The following SCN9A variants were observed in gnomAD, a reference collection of about 807,000 sequenced individuals.
SCN9A encodes the protein sodium channel protein type 9 subunit alpha.
Under a neutral mutation model 187.0 loss-of-function variants are expected in SCN9A, and 131 were observed. That is an observed-to-expected ratio of 0.70 (90% CI 0.61 to 0.81). The LOEUF (loss-of-function observed/expected upper bound fraction) is 0.81. Among genes scored for constraint, SCN9A ranks in the 30% least tolerant of loss-of-function variants. The probability of loss-of-function intolerance (pLI) is 0.00; values close to 1 mark genes in which losing one functional copy is unlikely to be tolerated. For synonymous variants in SCN9A, 809 were observed against 808.6 expected, an observed-to-expected ratio of 1.00 and a Z score of -0.01; for missense variants, 2,252 against 2,396.6, an observed-to-expected ratio of 0.94 and a Z score of 1.26.
Position 166,277,196 on chromosome 2 carries a change from G to C in SCN9A, c.2661C>G (p.Leu887=). The C allele has an allele frequency of 1.2e-6, 2 of 1,614,086 alleles. No individual in the cohort carries two copies. The highest frequency in any genetic ancestry group is 2.2e-5 in the East Asian group (1 of 44,878). The change falls in exon 16 of 27, where the codon CTC becomes CTG. Residue 887 remains leucine, a synonymous_variant. Coordinates refer to ENST00000642356, the MANE Select transcript of SCN9A (RefSeq NM_001365536.1). The part of the protein sequence containing the change: ...VFIFAVVGMQ[L]FGKSYKECVC... ...CACATTCTTTGTAGCTCTTACCAAAGAGCTGCATGCCGACCACAGCAAAAA... is the reference window on the plus strand; with the variant it reads ...CACATTCTTTGTAGCTCTTACCAAACAGCTGCATGCCGACCACAGCAAAAA...
At chr2:166,252,778 C>A (rs932519989) in intron 17 of SCN9A, among the ~76,000 whole-genome samples, 4 of 151,922 alleles carry the variant, frequency 2.6e-5, no homozygotes, top group Admixed American at 2.6e-4. Context: ...CATACACACA[C>A]ACACACGAAG....
chr2:166,317,930 A>G (rs1429082605), intron 1 of SCN9A, among the ~76,000 whole-genome samples: 1 of 152,182 alleles, frequency 6.6e-6, no homozygotes. Context: ...AGTCTAGAAC[A>G]CTCATCTGAG....
At chr2:166,343,645 T>C (rs1285049175) in intron 1 of SCN9A, among the ~76,000 whole-genome samples, 1 of 152,092 alleles carries the variant, frequency 6.6e-6, no homozygotes, top group African/African-American at 2.4e-5. Context: ...ATGCCTATAA[T>C]CCCAGCACTT....
intron 12 of SCN9A, among the ~76,000 whole-genome samples, 151 bp from the exon 13 acceptor site, chr2:166,281,959 A>T (rs568802311): frequency 5.3e-5 from 8 of 152,216 alleles, no homozygotes; most frequent in African/African-American, 1.9e-4. Context: ...TACTGGCTGT[A>T]TATCATAGGA....
chr2:166,361,049 C>G (rs765948436), intron 1 of SCN9A, among the ~76,000 whole-genome samples: 1 of 152,050 alleles, frequency 6.6e-6, no homozygotes, highest in Non-Finnish European at 1.5e-5. Context: ...TAGCTTATGT[C>G]CTTGGGGAAT....
chr2:166,209,202 T>C lies in SCN9A; in HGVS notation c.4399-4738A>G, dbSNP rs373072193. ...TGGCTGTTTTGTGTCCTTTGTGACA[T>C]TGTGTCGGATGGCTGACAGGTGGCT... On this transcript the variant is annotated intron_variant, in intron 24 of 26. Coordinates refer to ENST00000642356, the MANE Select transcript of SCN9A (RefSeq NM_001365536.1). Among the ~76,000 whole-genome samples, 88 of 152,322 alleles carry C rather than the reference T, an allele frequency of 5.8e-4. 1 individual carries two copies. The highest frequency in any genetic ancestry group is 2.1e-3 in the African/African-American group (87 of 41,564).
intron 1 of SCN9A, among the ~76,000 whole-genome samples, chr2:166,323,100 T>G (rs1438182575): frequency 1.3e-5 from 2 of 152,310 alleles, no homozygotes; most frequent in East Asian, 3.9e-4. Flanking sequence ...GACAAAGTCA[T>G]GTGGCTCAAG....
In SCN9A at chr2:166,326,450, C is replaced by T. The variant is rs79493055; in HGVS notation, c.-50-14644G>A. ...GGAGGAAGGAAATAGACAGCTCTACCCTAGCTGTCAGGGTTACACTTATAA... is the reference window on the plus strand; with the variant it reads ...GGAGGAAGGAAATAGACAGCTCTACTCTAGCTGTCAGGGTTACACTTATAA... On this transcript the variant is annotated intron_variant, in intron 1 of 26. Transcript: ENST00000642356. Among the ~76,000 whole-genome samples the T allele has an allele frequency of 9.2e-3, 1,404 of 152,212 alleles. 31 individuals carry two copies. The highest frequency in any genetic ancestry group is 0.031 in the African/African-American group (1,275 of 41,534).
chr2:166,364,911 G>T (rs73972318), intron 1 of SCN9A, among the ~76,000 whole-genome samples: 2,462 of 152,176 alleles, frequency 0.016, 67 homozygotes, highest in African/African-American at 0.057. Context: ...GTCAGTAAGA[G>T]AACAAAATCA....
At chr2:166,369,739 C>T (rs1540875) in intron 1 of SCN9A, among the ~76,000 whole-genome samples, 110,987 of 152,010 alleles carry the variant, frequency 0.73, 41,586 homozygotes, top group African/African-American at 0.92. Context: ...AAAATGTCCT[C>T]AATAAATTAT....
chr2:166,360,206 C>T (rs1327795222), intron 1 of SCN9A, among the ~76,000 whole-genome samples: 6 of 97,216 alleles, frequency 6.2e-5, no homozygotes, highest in African/African-American at 2.3e-4. Flanking sequence ...GCAACAAGAG[C>T]GAAACTCTGT....
rs761742207 is a variant in SCN9A, at chr2:166,198,733, T to C, written c.5906A>G (p.Tyr1969Cys). ...TTCCTTTTCTGTTCTGTCTTGTTCA[T>C]ATTTCTCTTTGTCTGGCTTTGTTAC... Reference protein sequence around the residue: ...DSVTKPDKEKYEQDRTEKEDK... With the variant: ...DSVTKPDKEKCEQDRTEKEDK... The change falls in exon 27 of 27, where the codon TAT (tyrosine) becomes TGT (cysteine). Residue 1969 changes from tyrosine to cysteine, a missense_variant. By Grantham distance (194) the Tyr-to-Cys change is radical. Coordinates refer to ENST00000642356, the MANE Select transcript of SCN9A (RefSeq NM_001365536.1). The C allele has an allele frequency of 1.9e-6, 3 of 1,613,406 alleles. No homozygotes were observed. The Admixed American group carries it at 5.0e-5, about 27-fold the overall frequency.
In SCN9A at chr2:166,303,166, A is replaced by G. The variant is rs771377765; in HGVS notation, c.825T>C (p.Cys275=). 6.2e-7 allele frequency: 1 copy of G among 1,613,138 alleles called. No homozygotes were observed. Among genetic ancestry groups the G allele is most frequent in the East Asian group, 2.2e-5 (1 of 44,838 alleles). Residue 275 remains cysteine (C), a synonymous_variant, in exon 7 of 27, where the codon TGT becomes TGC. Transcript: ENST00000642356. ...CATTATTTTCAAGTGAATTTCGAAAACATTTATGCTTCAGGTTTCCCATGA... is the reference window on the plus strand; with the variant it reads ...CATTATTTTCAAGTGAATTTCGAAAGCATTTATGCTTCAGGTTTCCCATGA... ...QLFMGNLKHK[C]FRNSLENNET... is the part of the protein sequence containing the mutation.
chr2:166,274,001 A>T lies in SCN9A; in HGVS notation c.2875-1126T>A, dbSNP rs371549579. ...TGAACAATTTTGATAATTGCTAAAAATCCCTGAAATGGTTTAATAGTTGTC... is the reference window on the plus strand; with the variant it reads ...TGAACAATTTTGATAATTGCTAAAATTCCCTGAAATGGTTTAATAGTTGTC... On this transcript the variant is annotated intron_variant, in intron 16 of 26. Coordinates refer to ENST00000642356, the MANE Select transcript of SCN9A (RefSeq NM_001365536.1). 4.3e-4 allele frequency among the ~76,000 whole-genome samples: 65 copies of T among 152,294 alleles called. 2 individuals are homozygous for T. The South Asian group carries it at 0.013, about 32-fold the overall frequency.
chr2:166,353,080 C>T (rs1356739982), intron 1 of SCN9A, among the ~76,000 whole-genome samples: 6 of 150,392 alleles, frequency 4.0e-5, no homozygotes, highest in East Asian at 3.9e-4. Context: ...GCTTTCTGGG[C>T]GTGGTGGCTA....
intron 24 of SCN9A, among the ~76,000 whole-genome samples, chr2:166,216,727 A>G (rs11894453): frequency 6.6e-6 from 1 of 152,064 alleles, no homozygotes; most frequent in Non-Finnish European, 1.5e-5. Context: ...GATTTAAAAA[A>G]ACTGAGGAAG....
chr2:166,259,982 A>G (rs373458841), intron 17 of SCN9A, among the ~76,000 whole-genome samples: 4 of 151,992 alleles, frequency 2.6e-5, no homozygotes, highest in South Asian at 4.1e-4. Flanking sequence ...CAATTTTACG[A>G]AACAGCATAA....
intron 1 of SCN9A, among the ~76,000 whole-genome samples, chr2:166,373,525 A>G (rs1032219192): frequency 6.6e-6 from 1 of 152,098 alleles, no homozygotes; most frequent in Non-Finnish European, 1.5e-5. Flanking sequence ...AATGAGAGGC[A>G]TCTGAGACGT....
chr2:166,287,888 A>G (rs1317202459), intron 10 of SCN9A, among the ~76,000 whole-genome samples: 1 of 150,658 alleles, frequency 6.6e-6, no homozygotes, highest in African/African-American at 2.4e-5. Flanking sequence ...CGTTAAAATA[A>G]TTTTCATGAA....
Sources: gnomAD v4.1 joint callset for allele counts (sites outside exome capture counted in the v4.1 genomes callset) on GRCh38, gnomAD v4.1.1 for gene constraint, MANE v1.5 for transcripts, NCBI Gene and HGNC (gene_info 2026-07-23, HGNC 2026-07-21) for gene names.